The following CTNNA3 variants were observed in gnomAD, a reference collection of about 807,000 sequenced individuals.
CTNNA3 encodes catenin alpha 3, also known as catenin alpha-3.
CTNNA3 carries 76 observed loss-of-function variants against 95.7 expected under a neutral mutation model. The ratio of observed to expected loss-of-function variants is 0.79; its 90% CI spans 0.66 to 0.96. The LOEUF (loss-of-function observed/expected upper bound fraction) is 0.96. CTNNA3 is among the 40% of genes least tolerant of loss of function. The pLI is 0.00. For synonymous variants in CTNNA3, 431 were observed against 374.4 expected, an observed-to-expected ratio of 1.15 and a Z score of -1.74; for missense variants, 1,191 against 1,089.8, an observed-to-expected ratio of 1.09 and a Z score of -1.31.
chr10:66,430,985 A>G (rs1209712304), intron 11 of CTNNA3, among the ~76,000 whole-genome samples: 1 of 152,280 alleles, frequency 6.6e-6, no homozygotes, highest in East Asian at 1.9e-4. Flanking sequence ...AATGGGAGAA[A>G]ATTTTTGCAA....
intron 13 of CTNNA3, among the ~76,000 whole-genome samples, chr10:66,161,603 TG>T: frequency 6.6e-6 from 1 of 152,324 alleles, no homozygotes. Flanking sequence ...ATAGGTTATC[TG>T]GTGCTTCTGT....
chr10:66,410,356 T>C (rs1475023817), intron 11 of CTNNA3, among the ~76,000 whole-genome samples: 1 of 152,184 alleles, frequency 6.6e-6, no homozygotes, highest in African/African-American at 2.4e-5. Context: ...AGTTCCATCA[T>C]ACTTTAGTAC....
At chr10:66,510,537 T>C (rs1377899490) in intron 11 of CTNNA3, among the ~76,000 whole-genome samples, 1 of 146,898 alleles carries the variant, frequency 6.8e-6, no homozygotes, top group Admixed American at 6.9e-5. Flanking sequence ...GGGTTTGTCA[T>C]ATATGGTCTT....
intron 5 of CTNNA3, among the ~76,000 whole-genome samples, chr10:67,311,763 G>A (rs573371167): frequency 5.3e-4 from 80 of 152,224 alleles, no homozygotes; most frequent in African/African-American, 1.7e-3. Context: ...AGCAAGGAAA[G>A]CATAAAACTA....
intron 11 of CTNNA3, among the ~76,000 whole-genome samples, chr10:66,414,031 T>C (rs12261314): frequency 0.12 from 17,844 of 152,204 alleles, 1,515 homozygotes; most frequent in African/African-American, 0.24. Flanking sequence ...CAGATATATC[T>C]TTTAAGAGAA....
chr10:66,279,528 A>T (rs568948565), intron 13 of CTNNA3, among the ~76,000 whole-genome samples: 1 of 152,010 alleles, frequency 6.6e-6, no homozygotes, highest in Non-Finnish European at 1.5e-5. Flanking sequence ...CCCAGGATGA[A>T]TAGGTGGCTA....
intron 7 of CTNNA3, among the ~76,000 whole-genome samples, chr10:66,804,808 T>G (rs7076617): frequency 0.46 from 69,219 of 151,820 alleles, 16,396 homozygotes; most frequent in East Asian, 0.53. Context: ...AGAGTTAACA[T>G]AGCAGGAGTG....
intron 9 of CTNNA3, among the ~76,000 whole-genome samples, chr10:66,622,548 C>T (rs1426499762): frequency 6.6e-6 from 1 of 152,128 alleles, no homozygotes; most frequent in Non-Finnish European, 1.5e-5. Context: ...CTCTGCACCC[C>T]ACTCTTGTTC....
chr10:66,864,519 T>C (rs1414354015), intron 7 of CTNNA3, among the ~76,000 whole-genome samples: 1 of 152,140 alleles, frequency 6.6e-6, no homozygotes, highest in Non-Finnish European at 1.5e-5. Context: ...GCTTCTGTTA[T>C]AGCAAAACAA....
chr10:67,597,952 G>C (rs1333986876), intron 3 of CTNNA3, among the ~76,000 whole-genome samples: 1 of 152,180 alleles, frequency 6.6e-6, no homozygotes, highest in African/African-American at 2.4e-5. Flanking sequence ...GAGTTATGGT[G>C]GTGGCTACAG....
intron 7 of CTNNA3, among the ~76,000 whole-genome samples, chr10:67,129,193 T>C (rs1411506480): frequency 1.3e-5 from 2 of 152,210 alleles, no homozygotes. Flanking sequence ...CCTGTGACAG[T>C]ATTTCATAAT....
At chr10:66,681,827 T>C (rs1214875419) in intron 9 of CTNNA3, among the ~76,000 whole-genome samples, 1 of 152,212 alleles carries the variant, frequency 6.6e-6, no homozygotes, top group Non-Finnish European at 1.5e-5. Flanking sequence ...GTATACAAGA[T>C]ACCTTTTTGG....
At chr10:67,328,103 G>A (rs202077962) in intron 5 of CTNNA3, among the ~76,000 whole-genome samples, 1 of 152,078 alleles carries the variant, frequency 6.6e-6, no homozygotes, top group Non-Finnish European at 1.5e-5. Flanking sequence ...AAATGCTGAT[G>A]GTCAAGAAAA....
intron 7 of CTNNA3, among the ~76,000 whole-genome samples, chr10:67,177,164 G>T (rs184808857): frequency 1.3e-5 from 2 of 152,124 alleles, no homozygotes; most frequent in African/African-American, 2.4e-5. Flanking sequence ...TGTTTTGTCC[G>T]TTATAGACCC....
At chr10:67,561,802 G>A (rs956149925) in intron 3 of CTNNA3, among the ~76,000 whole-genome samples, 1 of 152,028 alleles carries the variant, frequency 6.6e-6, no homozygotes, top group Non-Finnish European at 1.5e-5. Flanking sequence ...AATGATAAAG[G>A]GGATATCACC....
At chr10:66,762,042 T>C (rs1437156489) in intron 9 of CTNNA3, among the ~76,000 whole-genome samples, 1 of 152,170 alleles carries the variant, frequency 6.6e-6, no homozygotes, top group Admixed American at 6.5e-5. Flanking sequence ...TCAATGTGGA[T>C]TTATTGGGCA....
At chr10:67,232,492 A>T (rs1269827842) in intron 5 of CTNNA3, among the ~76,000 whole-genome samples, 2 of 152,212 alleles carry the variant, frequency 1.3e-5, no homozygotes, top group Admixed American at 6.5e-5. Flanking sequence ...GACCTGCCCT[A>T]AAAGAGCTCC....
At chr10:67,492,709 G>A (rs1176958006) in intron 5 of CTNNA3, among the ~76,000 whole-genome samples, 1 of 152,196 alleles carries the variant, frequency 6.6e-6, no homozygotes, top group Non-Finnish European at 1.5e-5. Flanking sequence ...ATTGTCCTGT[G>A]AGCTCTAGGG....
chr10:66,900,516 G>C (rs897864474), intron 7 of CTNNA3, among the ~76,000 whole-genome samples: 4 of 152,156 alleles, frequency 2.6e-5, no homozygotes, highest in Admixed American at 2.0e-4. Flanking sequence ...GCTGGACGGA[G>C]AATGACTTTG....
Sources: gnomAD v4.1 joint callset for allele counts (sites outside exome capture counted in the v4.1 genomes callset) on GRCh38, gnomAD v4.1.1 for gene constraint, MANE v1.5 for transcripts, NCBI Gene and HGNC (gene_info 2026-07-23, HGNC 2026-07-21) for gene names.